The following VAV3 variants were observed in gnomAD, a reference collection of about 807,000 sequenced individuals.
VAV3 encodes vav guanine nucleotide exchange factor 3, also known as guanine nucleotide exchange factor VAV3.
In VAV3, 94 loss-of-function variants were observed where a neutral mutation model predicts 131.2. That is an observed-to-expected ratio of 0.72 (90% CI 0.61 to 0.85). The LOEUF (loss-of-function observed/expected upper bound fraction) is 0.85, where lower values mean the gene tolerates loss of function less well. Among genes scored for constraint, VAV3 ranks in the 40% least tolerant of loss-of-function variants. The pLI, the probability that VAV3 is intolerant of heterozygous loss-of-function variation, is 0.00. For synonymous variants in VAV3, 349 were observed against 342.0 expected (o/e 1.02, Z -0.22); for missense variants, 939 against 1,002.7 (o/e 0.94, Z 0.86).
intron 2 of VAV3, among the ~76,000 whole-genome samples, chr1:107,843,421 G>A (rs1173412869): frequency 6.8e-6 from 1 of 147,314 alleles, no homozygotes; most frequent in East Asian, 2.0e-4. Context: ...ATCAGTTCTA[G>A]TGGTAGCTCA....
chr1:107,622,160 C>A (rs1653657971), intron 20 of VAV3, among the ~76,000 whole-genome samples: 1 of 152,156 alleles, frequency 6.6e-6, no homozygotes, highest in South Asian at 2.1e-4. Context: ...CTTCTTCTGA[C>A]ATTCCCGAAC....
intron 2 of VAV3, among the ~76,000 whole-genome samples, chr1:107,866,821 T>TAA (rs1670007010): frequency 6.9e-5 from 1 of 14,502 alleles, no homozygotes; most frequent in Non-Finnish European, 1.2e-4. Context: ...AGACTCCATC[T>TAA]CAAAAAAAAA....
At chr1:107,611,786 A>ACAC (rs1652755347) in intron 21 of VAV3, among the ~76,000 whole-genome samples, 1 of 152,130 alleles carries the variant, frequency 6.6e-6, no homozygotes, top group Non-Finnish European at 1.5e-5. Context: ...GTCCCACTAG[A>ACAC]GCTTTTCTCT....
intron 2 of VAV3, among the ~76,000 whole-genome samples, chr1:107,815,092 A>G (rs1667507561): frequency 1.3e-5 from 2 of 152,354 alleles, no homozygotes; most frequent in South Asian, 4.2e-4. Context: ...ATGAATTACA[A>G]TCTATACATA....
chr1:107,632,307 CTG>C lies in VAV3; in HGVS notation c.1914+10310_1914+10311del, dbSNP rs1654565323. On this transcript the variant is annotated intron_variant, in intron 20 of 26. Coordinates refer to ENST00000370056, the MANE Select transcript of VAV3 (RefSeq NM_006113.5). ...TGTGTCTTAATCTCTGGAAGTGAGG[CTG>C]TGTGTTGACATTATTGCAAAGCTCC... is the stretch of plus-strand genomic sequence containing the variant. Among the ~76,000 whole-genome samples, 3 of 152,130 alleles carry C rather than the reference CTG, an allele frequency of 2.0e-5. No individual in the cohort carries two copies. The South Asian group carries it at 6.2e-4, about 32-fold the overall frequency.
intron 4 of VAV3, 151 bp from the exon 5 acceptor site, chr1:107,772,994 C>T (rs1665140157): frequency 3.1e-6 from 2 of 654,938 alleles, no homozygotes; most frequent in Non-Finnish European, 5.1e-6. Flanking sequence ...ACAACTTTGT[C>T]CCTCTTAATA....
At chr1:107,644,393 G>A (rs1029644778) in intron 19 of VAV3, among the ~76,000 whole-genome samples, 3 of 152,028 alleles carry the variant, frequency 2.0e-5, no homozygotes, top group African/African-American at 7.2e-5. Flanking sequence ...CCTTTTTATT[G>A]AGCATACCTA....
intron 1 of VAV3, among the ~76,000 whole-genome samples, chr1:107,944,956 C>G (rs1427847603): frequency 6.6e-6 from 1 of 152,152 alleles, no homozygotes; most frequent in Non-Finnish European, 1.5e-5. Context: ...TATGAAATAG[C>G]TTGCACTTTT....
At position 107,840,188 on chromosome 1, in the gene VAV3, G is replaced by A. The variant is rs1269134914; in HGVS notation, c.321+34713C>T. 3.3e-5 allele frequency among the ~76,000 whole-genome samples: 5 copies of A among 152,090 alleles called. No individual in the cohort carries two copies. The East Asian group carries it at 9.6e-4, about 29-fold the overall frequency. ...GTTTTGCTGTTAGCCTGTAAATGTT[G>A]TAATGTTGTAAATGTAATGTTGTAA... On this transcript the variant is annotated intron_variant, in intron 2 of 26. Transcript: ENST00000370056.
chr1:107,858,775 G>C (rs1461395589), intron 2 of VAV3, among the ~76,000 whole-genome samples: 2 of 152,192 alleles, frequency 1.3e-5, no homozygotes, highest in African/African-American at 4.8e-5. Context: ...CTCTAGATGA[G>C]AGTATCCTGG....
At chr1:107,598,638 T>C (rs961145183) in intron 24 of VAV3, among the ~76,000 whole-genome samples, 1 of 152,186 alleles carries the variant, frequency 6.6e-6, no homozygotes, top group Admixed American at 6.5e-5. Context: ...ATGTAGAAGT[T>C]TGTATCTCCA....
At chr1:107,908,399 T>G (rs1036851887) in intron 1 of VAV3, among the ~76,000 whole-genome samples, 2 of 152,180 alleles carry the variant, frequency 1.3e-5, no homozygotes, top group Non-Finnish European at 2.9e-5. Flanking sequence ...AGATCGGTTA[T>G]TACCAATCTT....
intron 1 of VAV3, among the ~76,000 whole-genome samples, chr1:107,964,167 C>G (rs1675292890): frequency 6.6e-6 from 1 of 152,154 alleles, no homozygotes; most frequent in African/African-American, 2.4e-5. Flanking sequence ...CAATGTCACT[C>G]CTGGACAGAT....
chr1:107,604,685 C>G (rs963697089), intron 22 of VAV3, among the ~76,000 whole-genome samples: 3 of 152,186 alleles, frequency 2.0e-5, no homozygotes, highest in Non-Finnish European at 2.9e-5. Flanking sequence ...TCTTGTACTA[C>G]CTACTCCATT....
At chr1:107,697,694 G>A (rs1659832348) in intron 17 of VAV3, among the ~76,000 whole-genome samples, 1 of 152,032 alleles carries the variant, frequency 6.6e-6, no homozygotes, top group African/African-American at 2.4e-5. Flanking sequence ...CTTAAAATAA[G>A]AGGCCCTAGA....
At chr1:107,691,296 T>C (rs1337778984) in intron 17 of VAV3, among the ~76,000 whole-genome samples, 1 of 152,180 alleles carries the variant, frequency 6.6e-6, no homozygotes, top group African/African-American at 2.4e-5. Context: ...GAAACCTTTT[T>C]GTATGGAGTA....
intron 2 of VAV3, among the ~76,000 whole-genome samples, chr1:107,852,983 T>C: frequency 6.6e-6 from 1 of 152,218 alleles, no homozygotes; most frequent in East Asian, 1.9e-4. Context: ...TAGACAAAAA[T>C]GAAGGCTTGT....
At chr1:107,878,154 T>C (rs1050143172) in intron 1 of VAV3, among the ~76,000 whole-genome samples, 1 of 152,182 alleles carries the variant, frequency 6.6e-6, no homozygotes, top group Admixed American at 6.5e-5. Context: ...CTTTATATAT[T>C]TATAAATGTA....
At chr1:107,851,171 CAAAAAAAAAAA>C (rs35609784) in intron 2 of VAV3, among the ~76,000 whole-genome samples, 3 of 68,496 alleles carry the variant, frequency 4.4e-5, no homozygotes, top group African/African-American at 1.6e-4. Flanking sequence ...GACTCCGTCT[CAAAAAAAAAAA>C]AAAAAAAAGA....
Sources: gnomAD v4.1 joint callset for allele counts (sites outside exome capture counted in the v4.1 genomes callset) on GRCh38, gnomAD v4.1.1 for gene constraint, MANE v1.5 for transcripts, NCBI Gene and HGNC (gene_info 2026-07-23, HGNC 2026-07-21) for gene names.